Variants in IFT172 observed in about 807,000 individuals in gnomAD.
The protein encoded by IFT172 is intraflagellar transport protein 172 homolog.
A neutral mutation model predicts 248.9 loss-of-function variants in IFT172; 164 were observed. The ratio of observed to expected loss-of-function variants is 0.66; its 90% CI spans 0.58 to 0.75. The LOEUF (loss-of-function observed/expected upper bound fraction) is 0.75, where lower values mean the gene tolerates loss of function less well. IFT172 is among the 30% of genes least tolerant of loss of function. The pLI is 0.00. For missense variants in IFT172, 1,950 were observed against 2,192.4 expected, an observed-to-expected ratio of 0.89 and a Z score of 2.21; for synonymous variants, 729 against 791.6, an observed-to-expected ratio of 0.92 and a Z score of 1.33.
At chr2:27,472,001 G>A (rs976388535) in intron 15 of IFT172, 34 of 558,614 alleles carry the variant, frequency 6.1e-5, no homozygotes, top group African/African-American at 5.7e-4. Flanking sequence ...TTGTACCACT[G>A]CACTCCAGCC....
intron 14 of IFT172, among the ~76,000 whole-genome samples, chr2:27,474,307 G>T (rs1201981904): frequency 6.6e-6 from 1 of 152,108 alleles, no homozygotes; most frequent in East Asian, 1.9e-4. Context: ...ACTATTTTAA[G>T]AATGGACTCA....
chr2:27,480,905 G>A, intron 8 of IFT172, 141 bp downstream of exon 8: 2 of 662,232 alleles, frequency 3.0e-6, no homozygotes, highest in Non-Finnish European at 5.2e-6. Flanking sequence ...GATAGCGGGA[G>A]CAGGAAGAGG....
At chr2:27,448,037 G>C (rs1478228309) in intron 40 of IFT172, 115 bp from the exon 41 acceptor site, 3 of 655,302 alleles carry the variant, frequency 4.6e-6, no homozygotes, top group Admixed American at 2.6e-5. Flanking sequence ...GGGTATGTGT[G>C]TGTGTGCAAG....
At position 27,456,564 on chromosome 2, in the gene IFT172, C is replaced by T; in HGVS notation, c.3318G>A (p.Leu1106=). The T allele has an allele frequency of 6.2e-7, 1 of 1,614,132 alleles. No individual in the cohort carries two copies. The highest frequency in any genetic ancestry group is 8.5e-7 in the Non-Finnish European group (1 of 1,180,016). The change falls in exon 30 of 48, where the codon CTG becomes CTA. Residue 1106 remains leucine (L), a synonymous_variant. Coordinates refer to ENST00000260570, the MANE Select transcript of IFT172 (RefSeq NM_015662.3). The stretch of plus-strand genomic sequence containing the variant: ...CTTCCAGGAGTCCCAGCTTATTAAG[C>T]AGTCTAACTGCAGCCTCTCCTCCCA... The part of the protein sequence containing the change: ...KSLGGEAAVR[L]LNKLGLLEAA...
rs868318014 is a variant in IFT172 at position 27,444,937 on chromosome 2, C to T, written c.5160+77G>A. 4 of 1,508,080 alleles carry T rather than the reference C, an allele frequency of 2.7e-6. No individual in the cohort carries two copies. In the Middle Eastern group the frequency reaches 7.0e-4, roughly 262 times the overall value. 93.4% of individuals were successfully genotyped at this position (1,508,080 alleles called of 1,614,324 possible). ...GTGCTGGGATTAAAGGTATGAGCCA[C>T]TGCACCCAGACTTGTTTTTTTTTCT... is the stretch of plus-strand genomic sequence containing the variant. On this transcript the variant is annotated intron_variant, in intron 47 of 47. Transcript: ENST00000260570.
Position 27,479,558 on chromosome 2 carries a change from C to T in IFT172, c.956G>A (p.Arg319Lys), listed in dbSNP as rs1002834084. The T allele has an allele frequency of 1.2e-6, 2 of 1,613,672 alleles. No individual in the cohort carries two copies. Among genetic ancestry groups the T allele is most frequent in the Non-Finnish European group, 1.7e-6 (2 of 1,179,604 alleles). ...CTCAAACTTGTTCTTGTAAATACTC[C>T]TTCGGAGGCAGCAGTCAAACTGTTC... Reference protein sequence around the residue: ...GVEQFDCCLRRSIYKNKFELT... With the variant: ...GVEQFDCCLRKSIYKNKFELT... Residue 319 changes from arginine to lysine, a missense_variant, in exon 10 of 48, where the codon AGG becomes AAG. Around this residue, in one of 3 missense-constraint regions of IFT172, gnomAD observed 1,166 missense variants for 1,254.1 expected, o/e 0.93. Transcript: ENST00000260570.
intron 27 of IFT172, 44 bp from the exon 28 acceptor site, chr2:27,458,020 G>A (rs746402888): frequency 1.2e-5 from 19 of 1,613,832 alleles, no homozygotes; most frequent in Non-Finnish European, 1.4e-5. Flanking sequence ...CCCGACCCCT[G>A]CTATCACTGC....
In IFT172 at chr2:27,449,397, CAG is replaced by C. The variant is rs763026342; in HGVS notation, c.4225-19_4225-18del. On this transcript the variant is annotated intron_variant, in intron 38 of 47. Transcript: ENST00000260570. ...ACCCACCAGCTGGGTCAATGGAAGA[CAG>C]AGTTACAAGAGAAAAGAGATGACAT... 5.6e-6 allele frequency: 9 copies of C among 1,613,994 alleles called. No individual in the cohort carries two copies. The African/African-American group carries it at 1.1e-4, about 19-fold the overall frequency.
At chr2:27,458,000 G>T (rs1225447626) in intron 27 of IFT172, 24 bp from the exon 28 acceptor site, 1 of 1,614,090 alleles carries the variant, frequency 6.2e-7, no homozygotes, top group Non-Finnish European at 8.5e-7. Flanking sequence ...TACATCTGGG[G>T]CCTCCTAGAC....
intron 42 of IFT172, among the ~76,000 whole-genome samples, 173 bp downstream of exon 42, chr2:27,447,342 G>A (rs2148472032): frequency 6.6e-6 from 1 of 152,348 alleles, no homozygotes; most frequent in South Asian, 2.1e-4. Context: ...AAGGTCGGAA[G>A]AAGAAAACCT....
rs751388481 is a variant in IFT172, at chr2:27,450,020, A to G, written c.4028T>C (p.Ile1343Thr). The G allele has an allele frequency of 8.1e-6, 13 of 1,613,736 alleles. No individual in the cohort carries two copies. The highest frequency in any genetic ancestry group is 1.0e-5 in the Non-Finnish European group (12 of 1,179,810). Residue 1343 changes from isoleucine (I) to threonine (T), a missense_variant, in exon 36 of 48, where the codon ATT becomes ACT. Ile to Thr is a moderately conservative substitution (Grantham distance 89, BLOSUM62 -1). Coordinates refer to ENST00000260570, the MANE Select transcript of IFT172 (RefSeq NM_015662.3). Reference sequence around the variant, plus strand: ...TACTGCACTGTGCTTTCCAATTCCAATCAGCTGGGGTCCTACAGCCAGAAC... The same window carrying G: ...TACTGCACTGTGCTTTCCAATTCCAGTCAGCTGGGGTCCTACAGCCAGAAC... Reference protein sequence around the residue: ...EVVLAVGPQLIGIGKHSAAAE... With the variant: ...EVVLAVGPQLTGIGKHSAAAE...
chr2:27,474,545 CTTTT>C (rs1168595212), intron 14 of IFT172, among the ~76,000 whole-genome samples: 1 of 152,004 alleles, frequency 6.6e-6, no homozygotes, highest in African/African-American at 2.4e-5. Flanking sequence ...AAACTATTTT[CTTTT>C]TCTTTTCTTT....
chr2:27,471,021 T>A lies in IFT172; in HGVS notation c.1599A>T (p.Pro533=). The change falls in exon 16 of 48, where the codon CCA becomes CCT. Residue 533 remains proline, a synonymous_variant. Transcript: ENST00000260570. ...LNFCSYMQWV[P]GSDVLVAQNR... ...TCTGAGCTACCAGCACGTCACTTCC[T>A]GGGACCCACTGCATATAGGAGCAGA... is the stretch of plus-strand genomic sequence containing the variant. The A allele has an allele frequency of 6.2e-7, 1 of 1,614,086 alleles. No individual in the cohort carries two copies.
At position 27,461,759 on chromosome 2, in the gene IFT172, C is replaced by T. The variant is rs1267766244; in HGVS notation, c.2193G>A (p.Lys731=). The T allele has an allele frequency of 6.2e-7, 1 of 1,614,162 alleles. No homozygotes were observed. Among genetic ancestry groups the T allele is most frequent in the Admixed American group, 1.7e-5 (1 of 60,026 alleles). The stretch of plus-strand genomic sequence containing the variant: ...ACTGTGGAGAAGATAAAACAGGTAC[C>T]TTGGCTTCAGCCACAGCGATACACT... The part of the protein sequence containing the change: ...WDECIAVAEA[K]GHPALEKLRR... The change falls in exon 21 of 48, where the codon AAG becomes AAA. Residue 731 remains lysine (K), a splice_region_variant and synonymous_variant. Transcript: ENST00000260570.
Position 27,448,911 on chromosome 2 carries a change from G to T in IFT172, c.4428+4C>A. 7.2e-7 allele frequency: 1 copy of T among 1,393,590 alleles called. No individual in the cohort carries two copies. The highest frequency in any genetic ancestry group is 1.0e-6 in the Non-Finnish European group (1 of 978,108). The allele number at this position is 1,393,590 out of a possible 1,614,324, so 86.3% of individuals were successfully genotyped here. On this transcript the variant is annotated splice_donor_region_variant and intron_variant, in intron 40 of 47. Coordinates refer to ENST00000260570, the MANE Select transcript of IFT172 (RefSeq NM_015662.3). Reference sequence around the variant, plus strand: ...AACATTCAACCCAAGGAGAAGGCTGGTACCTGTGGGTTAGCAGGGGCTCCG... The same window carrying T: ...AACATTCAACCCAAGGAGAAGGCTGTTACCTGTGGGTTAGCAGGGGCTCCG...
intron 8 of IFT172, among the ~76,000 whole-genome samples, chr2:27,480,560 G>T (rs745809791): frequency 2.6e-5 from 4 of 152,248 alleles, no homozygotes; most frequent in Admixed American, 2.0e-4. Context: ...ATGAGACCTG[G>T]AACATGGCTG....
chr2:27,452,475 C>G lies in IFT172; in HGVS notation c.3951+909G>C, dbSNP rs71441080. On this transcript the variant is annotated intron_variant, in intron 35 of 47. Coordinates refer to ENST00000260570, the MANE Select transcript of IFT172 (RefSeq NM_015662.3). ...ATATACATGTACACACATATACCTA[C>G]AGTCATGCATTGTCTAATGATCAGT... 5.1e-3 allele frequency among the ~76,000 whole-genome samples: 770 copies of G among 152,318 alleles called. 2 individuals carry two copies. Among genetic ancestry groups the G allele is most frequent in the Non-Finnish European group, 8.5e-3 (577 of 68,024 alleles).
intron 39 of IFT172, 106 bp from the exon 40 acceptor site, chr2:27,449,137 A>C (rs1665429341): frequency 1.8e-6 from 2 of 1,135,230 alleles, no homozygotes; most frequent in African/African-American, 3.0e-5. Context: ...GGGTGTACGC[A>C]AACCTCTGAC....
At chr2:27,471,232 C>A (rs1283817259) in intron 15 of IFT172, 137 bp from the exon 16 acceptor site, 5 of 758,048 alleles carry the variant, frequency 6.6e-6, no homozygotes, top group Non-Finnish European at 1.1e-5. Flanking sequence ...AGCTTACTGA[C>A]CTGCTTTCTG....
Sources: gnomAD v4.1 joint callset for allele counts (sites outside exome capture counted in the v4.1 genomes callset) on GRCh38, gnomAD v4.1.1 for gene constraint, gnomAD v4.1.1 regional missense constraint, MANE v1.5 for transcripts, NCBI Gene and HGNC (gene_info 2026-07-23, HGNC 2026-07-21) for gene names.